Variants in TEN1 observed in about 807,000 individuals in gnomAD.
The protein encoded by TEN1 is CST complex subunit TEN1.
TEN1 carries 6 observed loss-of-function variants against 9.3 expected under a neutral mutation model. That is an observed-to-expected ratio of 0.65 (90% CI 0.35 to 1.27). The LOEUF is 1.27. Ranked by LOEUF, TEN1 falls within the 50% of genes most tolerant of loss-of-function variation. The pLI is 0.03. For missense variants in TEN1, 149 were observed against 158.2 expected, an observed-to-expected ratio of 0.94 and a Z score of 0.31; for synonymous variants, 65 against 65.6, an observed-to-expected ratio of 0.99 and a Z score of 0.04.
At position 76,000,147 on chromosome 17, in the gene TEN1, G is replaced by GCTCCGTGGTGA. The variant is rs1343587036; in HGVS notation, c.258_268dup (p.Lys90ThrfsTer4). On this transcript the variant is annotated frameshift_variant, in exon 4 of 4. Coordinates refer to ENST00000397640, the MANE Select transcript of TEN1 (RefSeq NM_001113324.3). LOFTEE classifies it high-confidence loss of function. This position sits in a 1 kb window ranked among gnomAD's most constrained non-coding sequence, Gnocchi z 5.9. The stretch of plus-strand genomic sequence containing the variant: ...CCTGGTGTTTGTCTTGCAGACAGAG[G>GCTCCGTGGTGA]CTCCGTGGTGAAGGCGCGCGTGCTG... 1.3e-6 allele frequency: 2 copies of GCTCCGTGGTGA among 1,551,036 alleles called. No homozygotes were observed. Among genetic ancestry groups the GCTCCGTGGTGA allele is most frequent in the Admixed American group, 2.0e-5 (1 of 50,894 alleles).
intron 3 of TEN1, among the ~76,000 whole-genome samples, chr17:75,996,924 C>T (rs558602920): frequency 6.6e-5 from 10 of 152,046 alleles, no homozygotes; most frequent in East Asian, 1.9e-4. Context: ...CCCGGCTCCT[C>T]GGGTGTGTCA....
At chr17:75,993,981 C>T (rs907753615) in intron 3 of TEN1, among the ~76,000 whole-genome samples, 3 of 150,066 alleles carry the variant, frequency 2.0e-5, no homozygotes, top group Non-Finnish European at 1.5e-5. Flanking sequence ...CCTGGCAGAG[C>T]GAGACTCCAT....
intron 1 of TEN1, among the ~76,000 whole-genome samples, chr17:75,982,595 T>C (rs2066128147): frequency 6.6e-6 from 1 of 152,222 alleles, no homozygotes. Flanking sequence ...CTTTGTTTTG[T>C]TTTGTTTGAG....
At chr17:75,981,949 C>T (rs1476956283) in intron 1 of TEN1, among the ~76,000 whole-genome samples, 1 of 152,126 alleles carries the variant, frequency 6.6e-6, no homozygotes, top group African/African-American at 2.4e-5. Flanking sequence ...ATCGCTTGAA[C>T]CGGGGAGGCA....
At position 76,000,109 on chromosome 17, in the gene TEN1, T is replaced by TCGC; in HGVS notation, c.251-29_251-27dup. On this transcript the variant is annotated intron_variant, in intron 3 of 3. Transcript: ENST00000397640. This position sits in a 1 kb window ranked among gnomAD's most constrained non-coding sequence, Gnocchi z 5.9. ...AGGACGTTGTTGACACGCCGCTCAG[T>TCGC]CGCCGTTCGTGCCCTGGTGTTTGTC... 6.5e-7 allele frequency: 1 copy of TCGC among 1,546,978 alleles called. No individual in the cohort carries two copies. Among genetic ancestry groups the TCGC allele is most frequent in the Non-Finnish European group, 8.7e-7 (1 of 1,143,720 alleles).
chr17:75,993,438 A>G (rs2066199309), intron 3 of TEN1, among the ~76,000 whole-genome samples: 1 of 152,046 alleles, frequency 6.6e-6, no homozygotes, highest in South Asian at 2.1e-4. Context: ...CAGCGAATGA[A>G]CGCAGGAGAA....
chr17:76,000,477 C>A lies in TEN1; in HGVS notation c.*215C>A. 1 of 679,796 alleles carries A rather than the reference C, an allele frequency of 1.5e-6. No homozygotes were observed. The highest frequency in any genetic ancestry group is 2.3e-6 in the Non-Finnish European group (1 of 436,024). The allele number at this position is 679,796 out of a possible 1,614,324, so 42.1% of individuals were successfully genotyped here. ...TGCCATAAATCCGACAGCCCCACCC[C>A]AGGAGACTGCAGGTGGCCGAGCTTG... On this transcript the variant is annotated 3_prime_UTR_variant, in exon 4 of 4. Transcript: ENST00000397640. This position sits in a 1 kb window ranked among gnomAD's most constrained non-coding sequence, Gnocchi z 5.9.
At chr17:75,981,420 C>T (rs1023097360) in intron 1 of TEN1, among the ~76,000 whole-genome samples, 6 of 152,094 alleles carry the variant, frequency 3.9e-5, no homozygotes, top group African/African-American at 1.4e-4. Flanking sequence ...CTCCTGGCCT[C>T]ATGTGATCCG....
At chr17:75,996,947 C>T (rs1358467053) in intron 3 of TEN1, among the ~76,000 whole-genome samples, 2 of 152,080 alleles carry the variant, frequency 1.3e-5, no homozygotes, top group Non-Finnish European at 2.9e-5. Context: ...ATCACACATC[C>T]CTCCCTGTCT....
chr17:75,992,894 G>C, intron 3 of TEN1, among the ~76,000 whole-genome samples: 1 of 149,450 alleles, frequency 6.7e-6, no homozygotes, highest in South Asian at 2.1e-4. Context: ...CCAGCTCCCT[G>C]GATCAAGCGA....
At chr17:75,996,497 A>T (rs550061856) in intron 3 of TEN1, among the ~76,000 whole-genome samples, 15 of 151,764 alleles carry the variant, frequency 9.9e-5, no homozygotes, top group Admixed American at 6.6e-4. Flanking sequence ...AAAAAAAATA[A>T]TAATAATAAC....
In TEN1 at chr17:75,991,550, C is replaced by CA; in HGVS notation, c.179dup (p.Leu61ValfsTer108). 6.4e-7 allele frequency: 1 copy of CA among 1,552,290 alleles called. No individual in the cohort carries two copies. The highest frequency in any genetic ancestry group is 8.7e-7 in the Non-Finnish European group (1 of 1,147,110). On this transcript the variant is annotated frameshift_variant, in exon 3 of 4. Coordinates refer to ENST00000397640, the MANE Select transcript of TEN1 (RefSeq NM_001113324.3). LOFTEE classifies it high-confidence loss of function. ...ATCAGCACCAGGTTCTTGTCTGTAC[C>CA]AAGTTGGTGGAGCCCTTCCACGCCC...
intron 3 of TEN1, 89 bp downstream of exon 3, chr17:75,991,712 C>A: frequency 7.1e-7 from 1 of 1,408,606 alleles, no homozygotes; most frequent in Non-Finnish European, 9.5e-7. Context: ...GGCTCGTGAC[C>A]CAACAGCAAT....
intron 3 of TEN1, among the ~76,000 whole-genome samples, chr17:75,996,276 AG>A (rs1162263278): frequency 6.6e-6 from 1 of 152,100 alleles, no homozygotes; most frequent in Non-Finnish European, 1.5e-5. Flanking sequence ...ACTTGAGGTC[AG>A]GAGTTCGAGA....
intron 1 of TEN1, among the ~76,000 whole-genome samples, chr17:75,981,072 A>G (rs1201555232): frequency 2.0e-5 from 3 of 152,258 alleles, no homozygotes; most frequent in Non-Finnish European, 2.9e-5. Flanking sequence ...TTAGCATTGA[A>G]TAGAAAAGAC....
At chr17:75,989,847 C>T (rs192534447) in intron 2 of TEN1, among the ~76,000 whole-genome samples, 99 of 151,500 alleles carry the variant, frequency 6.5e-4, no homozygotes, top group Admixed American at 1.1e-3. Context: ...CTCACAACAG[C>T]CTTGACCCCT....
At chr17:75,991,975 A>G (rs1260490538) in intron 3 of TEN1, among the ~76,000 whole-genome samples, 1 of 141,114 alleles carries the variant, frequency 7.1e-6, no homozygotes, top group Non-Finnish European at 1.5e-5. Context: ...TGCACCAGGG[A>G]GGTACAGGTT....
chr17:75,985,378 T>C (rs2066145571), intron 1 of TEN1, among the ~76,000 whole-genome samples: 1 of 151,972 alleles, frequency 6.6e-6, no homozygotes, highest in Non-Finnish European at 1.5e-5. Flanking sequence ...GAATTCCTAG[T>C]CTCAAGGGAT....
rs897377226 is a variant in TEN1, at chr17:75,993,104, A to C, written c.250+1481A>C. On this transcript the variant is annotated intron_variant, in intron 3 of 3. Transcript: ENST00000397640. ...ACCAAATGGTTGATGAAGGAAAGTTATTTCTTTTTTTTTTTTTTTTGAGAC... is the reference window on the plus strand; with the variant it reads ...ACCAAATGGTTGATGAAGGAAAGTTCTTTCTTTTTTTTTTTTTTTTGAGAC... 7.3e-5 allele frequency among the ~76,000 whole-genome samples: 9 copies of C among 123,628 alleles called. No homozygotes were observed. The East Asian group carries it at 1.8e-3, about 25-fold the overall frequency. 81.1% of individuals were successfully genotyped at this position (123,628 alleles called of 152,430 possible).
Sources: gnomAD v4.1 joint callset for allele counts (sites outside exome capture counted in the v4.1 genomes callset) on GRCh38, gnomAD v4.1.1 for gene constraint, Gnocchi (gnomAD v3.1) non-coding constraint, MANE v1.5 for transcripts, NCBI Gene and HGNC (gene_info 2026-07-23, HGNC 2026-07-21) for gene names.